Variants in ZNF652 observed in about 807,000 individuals in gnomAD.
ZNF652 encodes zinc finger protein 652.
In ZNF652, 16 loss-of-function variants were observed where a neutral mutation model predicts 45.2. That is an observed-to-expected ratio of 0.35 (90% confidence interval 0.24 to 0.54). The LOEUF is 0.54. Ranked by LOEUF, ZNF652 falls within the 20% of genes least tolerant of loss-of-function variation. The probability of loss-of-function intolerance (pLI) is 0.91; values close to 1 mark genes in which losing one functional copy is unlikely to be tolerated. For synonymous variants in ZNF652, 250 were observed against 260.6 expected (o/e 0.96, Z 0.39); for missense variants, 614 against 765.6 (o/e 0.80, Z 2.34).
chr17:49,347,918 T>C (rs1490446364), intron 1 of ZNF652, among the ~76,000 whole-genome samples: 2 of 151,892 alleles, frequency 1.3e-5, no homozygotes, highest in Non-Finnish European at 2.9e-5. Context: ...CTAAGTTTTG[T>C]ATTTTTTGTA....
intron 2 of ZNF652, among the ~76,000 whole-genome samples, chr17:49,315,087 G>A (rs559907668): frequency 6.8e-6 from 1 of 146,306 alleles, no homozygotes; most frequent in Admixed American, 7.1e-5. Flanking sequence ...TCTTGCCCAG[G>A]CTGGAGTGCA....
chr17:49,289,467 T>A lies in ZNF652; in HGVS notation c.*8946A>T, dbSNP rs1160204617. 1 of 152,202 alleles carries A rather than the reference T, an allele frequency of 6.6e-6. No homozygotes were observed. The allele number at this position is 152,202 out of a possible 1,614,324, so 9.4% of individuals were successfully genotyped here. A position where few individuals can be genotyped will look rare whatever the true frequency, so the allele number is the denominator to read the frequency against. On this transcript the variant is annotated 3_prime_UTR_variant, in exon 6 of 6. Coordinates refer to ENST00000430262, the MANE Select transcript of ZNF652 (RefSeq NM_001145365.3). ...CATTTCAATTGCTAAAAAAATAATATCGGTATAGTTAACACAAGGGGGAAA... is the reference window on the plus strand; with the variant it reads ...CATTTCAATTGCTAAAAAAATAATAACGGTATAGTTAACACAAGGGGGAAA...
At chr17:49,311,212 A>T in intron 5 of ZNF652, 100 bp downstream of exon 5, 1 of 1,297,398 alleles carries the variant, frequency 7.7e-7, no homozygotes, top group Admixed American at 2.2e-5. Flanking sequence ...TTTGCTTTGA[A>T]TGCAAATTTG....
intron 5 of ZNF652, among the ~76,000 whole-genome samples, chr17:49,309,329 TAAAAAAA>T (rs11307814): frequency 1.5e-5 from 1 of 66,310 alleles, no homozygotes; most frequent in Non-Finnish European, 2.8e-5. Context: ...CTGTCTCTAC[TAAAAAAA>T]AAAAAAAAAA....
intron 1 of ZNF652, among the ~76,000 whole-genome samples, chr17:49,329,387 CCTT>C (rs1436548813): frequency 2.0e-5 from 3 of 152,184 alleles, no homozygotes; most frequent in Non-Finnish European, 4.4e-5. Context: ...TTATAAATGT[CCTT>C]CATTTCCAAA....
intron 5 of ZNF652, among the ~76,000 whole-genome samples, chr17:49,309,294 C>T (rs1192607267): frequency 7.6e-6 from 1 of 131,768 alleles, no homozygotes; most frequent in African/African-American, 2.9e-5. Flanking sequence ...GAGTTCTAGA[C>T]CAACCTCATC....
Position 49,329,817 on chromosome 17 carries a change from G to A in ZNF652, c.-258-11834C>T, listed in dbSNP as rs111327328. Among the ~76,000 whole-genome samples, 140 of 152,246 alleles carry A rather than the reference G, an allele frequency of 9.2e-4. 1 individual carries two copies. Among genetic ancestry groups the A allele is most frequent in the African/African-American group, 3.0e-3 (125 of 41,528 alleles). Reference sequence around the variant, plus strand: ...CAAAGGAGAGACGCACTCTTCCTAGGTACTACCTAATTACCTTCAAGCATC... The same window carrying A: ...CAAAGGAGAGACGCACTCTTCCTAGATACTACCTAATTACCTTCAAGCATC... On this transcript the variant is annotated intron_variant, in intron 1 of 5. Transcript: ENST00000430262.
At chr17:49,354,624 A>AAC (rs2070316044) in intron 1 of ZNF652, among the ~76,000 whole-genome samples, 2 of 150,642 alleles carry the variant, frequency 1.3e-5, no homozygotes, top group South Asian at 2.1e-4. Flanking sequence ...AAAAAAAAAC[A>AAC]AAAAAACAAA....
At chr17:49,331,222 C>T (rs187987998) in intron 1 of ZNF652, among the ~76,000 whole-genome samples, 5 of 149,832 alleles carry the variant, frequency 3.3e-5, no homozygotes, top group East Asian at 2.0e-4. Context: ...CCCAGGTTCA[C>T]GCCATTCTCC....
intron 1 of ZNF652, among the ~76,000 whole-genome samples, chr17:49,354,519 G>A (rs908013726): frequency 6.6e-6 from 1 of 150,678 alleles, no homozygotes; most frequent in African/African-American, 2.4e-5. Flanking sequence ...GCCAAGGCAG[G>A]AGAATCACTT....
intron 5 of ZNF652, among the ~76,000 whole-genome samples, chr17:49,309,631 G>A (rs2069681866): frequency 6.6e-6 from 1 of 152,060 alleles, no homozygotes; most frequent in South Asian, 2.1e-4. Flanking sequence ...AGAACTAAGA[G>A]CCTATCCAAA....
At chr17:49,352,242 A>ATT (rs902042966) in intron 1 of ZNF652, among the ~76,000 whole-genome samples, 1 of 147,426 alleles carries the variant, frequency 6.8e-6, no homozygotes. Context: ...CAGTCAATAT[A>ATT]TTTTTTTTTT....
chr17:49,308,732 G>A (rs2069666441), intron 5 of ZNF652, among the ~76,000 whole-genome samples: 1 of 151,904 alleles, frequency 6.6e-6, no homozygotes, highest in East Asian at 2.0e-4. Flanking sequence ...AACCTGGGAG[G>A]TGGAGGTTGC....
At position 49,295,501 on chromosome 17, in the gene ZNF652, G is replaced by A. The variant is rs948821656; in HGVS notation, c.*2912C>T. On this transcript the variant is annotated 3_prime_UTR_variant, in exon 6 of 6. Transcript: ENST00000430262. The stretch of plus-strand genomic sequence containing the variant: ...TCCTGTATAGCAGATATTTTCTTAT[G>A]GCTATATTTACTTGAATGAAAAATC... 1.3e-5 allele frequency: 2 copies of A among 152,066 alleles called. No individual in the cohort carries two copies. Among genetic ancestry groups the A allele is most frequent in the African/African-American group, 4.8e-5 (2 of 41,300 alleles). 9.4% of individuals were successfully genotyped at this position (152,066 alleles called of 1,614,324 possible). A position where few individuals can be genotyped will look rare whatever the true frequency, so the allele number is the denominator to read the frequency against.
rs2069378707 is a variant in ZNF652 at position 49,289,636 on chromosome 17, GTATCTT to G, written c.*8771_*8776del. ...GGGCCAAGCAGCCCTCCTCTCCCCA[GTATCTT>G]TCCCATCTTAAGAGATCCTGTCCTA... On this transcript the variant is annotated 3_prime_UTR_variant, in exon 6 of 6. Coordinates refer to ENST00000430262, the MANE Select transcript of ZNF652 (RefSeq NM_001145365.3). 1 of 152,394 alleles carries G rather than the reference GTATCTT, an allele frequency of 6.6e-6. No homozygotes were observed. Among genetic ancestry groups the G allele is most frequent in the African/African-American group, 2.4e-5 (1 of 41,554 alleles). The allele number at this position is 152,394 out of a possible 1,614,324, so 9.4% of individuals were successfully genotyped here.
intron 5 of ZNF652, among the ~76,000 whole-genome samples, 154 bp from the exon 6 acceptor site, chr17:49,299,078 A>G (rs2960168): frequency 0.3 from 45,472 of 151,716 alleles, 7,044 homozygotes; most frequent in South Asian, 0.42. Flanking sequence ...GGCCTCCCAA[A>G]GTGCTGCGAT....
chr17:49,312,925 G>A (rs1048302088), intron 2 of ZNF652, 80 bp from the exon 3 acceptor site: 180 of 1,439,720 alleles, frequency 1.3e-4, no homozygotes, highest in Middle Eastern at 7.3e-4. Context: ...AAACGGATGT[G>A]CTTTAGGTTC....
rs958054391 is a variant in ZNF652, at chr17:49,293,923, T to G, written c.*4490A>C. Among the ~76,000 whole-genome samples, 1 of 152,208 alleles carries G rather than the reference T, an allele frequency of 6.6e-6. No individual in the cohort carries two copies. Among genetic ancestry groups the G allele is most frequent in the Non-Finnish European group, 1.5e-5 (1 of 68,016 alleles). On this transcript the variant is annotated 3_prime_UTR_variant, in exon 6 of 6. Transcript: ENST00000430262. The stretch of plus-strand genomic sequence containing the variant: ...GCAATGCAATAAAAGTTGTCTTTTC[T>G]ATACAGTAGCTCAAACAGAAAGGTT...
At chr17:49,351,011 ATAT>A in intron 1 of ZNF652, among the ~76,000 whole-genome samples, 1 of 21,744 alleles carries the variant, frequency 4.6e-5, no homozygotes, top group Non-Finnish European at 9.2e-5. Flanking sequence ...ATATATATAT[ATAT>A]ACACACACAC....
Sources: allele counts gnomAD v4.1 joint callset (sites outside exome capture counted in the v4.1 genomes callset), GRCh38; gene constraint gnomAD v4.1.1; transcripts MANE v1.5; gene names NCBI Gene and HGNC (gene_info 2026-07-23, HGNC 2026-07-21).